RIPOR2: variants seen among roughly 807,000 people sequenced by gnomAD.
RIPOR2 encodes the protein rho family-interacting cell polarization regulator 2.
Under a neutral mutation model 114.5 loss-of-function variants are expected in RIPOR2, and 39 were observed. The ratio of observed to expected loss-of-function variants is 0.34; its 90% CI spans 0.26 to 0.44. The LOEUF is 0.44. Ranked by LOEUF, RIPOR2 falls within the 20% of genes least tolerant of loss-of-function variation. RIPOR2 has a pLI of 1.00. For missense variants in RIPOR2, 1,007 were observed against 1,255.1 expected (o/e 0.80, Z 2.99); for synonymous variants, 445 against 484.4 (o/e 0.92, Z 1.07).
intron 19 of RIPOR2, among the ~76,000 whole-genome samples, chr6:24,824,770 CATA>C (rs1760006083): frequency 6.6e-6 from 1 of 152,086 alleles, no homozygotes; most frequent in South Asian, 2.1e-4. Flanking sequence ...ATATGTTCAC[CATA>C]ATATTTTTAG....
chr6:25,028,697 G>A (rs1776746565), intron 1 of RIPOR2, among the ~76,000 whole-genome samples: 2 of 152,202 alleles, frequency 1.3e-5, no homozygotes, highest in Admixed American at 1.3e-4. Flanking sequence ...GGGGGGCAGG[G>A]ATAGTACAGA....
intron 1 of RIPOR2, among the ~76,000 whole-genome samples, chr6:24,992,302 G>T (rs1774859363): frequency 6.6e-6 from 1 of 152,064 alleles, no homozygotes; most frequent in Non-Finnish European, 1.5e-5. Flanking sequence ...GACATTACAG[G>T]TACTCCTCAC....
chr6:24,879,861 T>A (rs1360818100), intron 1 of RIPOR2, among the ~76,000 whole-genome samples: 4 of 152,194 alleles, frequency 2.6e-5, no homozygotes, highest in Non-Finnish European at 5.9e-5. Context: ...TTCCTAGAAG[T>A]CCCAAAGACC....
rs1213411589 is a variant in RIPOR2, at chr6:24,865,358, G to C, written c.594C>G (p.Ser198Arg). Residue 198 changes from serine to arginine, a missense_variant, in exon 7 of 22, where the codon AGC becomes AGG. Transcript: ENST00000643898. ...CTGTCAGACTCTCCCGGGCAGCTTT[G>C]CTGGCAGGGGATGTTGCGAAGGCTT... ...MKQAFATSPA[S>R]KAARESLTEI... 1 of 1,613,640 alleles carries C rather than the reference G, an allele frequency of 6.2e-7. No homozygotes were observed. Among genetic ancestry groups the C allele is most frequent in the East Asian group, 2.2e-5 (1 of 44,876 alleles).
At chr6:24,902,108 A>T (rs189754810) in intron 1 of RIPOR2, among the ~76,000 whole-genome samples, 178 of 152,328 alleles carry the variant, frequency 1.2e-3, no homozygotes, top group Non-Finnish European at 1.9e-3. Context: ...AAAGACCAGC[A>T]GTCAACTGGC....
intron 1 of RIPOR2, among the ~76,000 whole-genome samples, chr6:24,949,039 C>T (rs893708821): frequency 3.9e-5 from 6 of 152,140 alleles, no homozygotes; most frequent in Non-Finnish European, 8.8e-5. Context: ...TCTGTACATC[C>T]ATGTCACTCT....
chr6:24,840,353 C>T, intron 13 of RIPOR2: 1 of 1,115,352 alleles, frequency 9.0e-7, no homozygotes, highest in African/African-American at 1.7e-5. Context: ...ACAAGTCCCA[C>T]CACTTCCCTG....
chr6:24,828,340 A>ATTCT, intron 17 of RIPOR2, 45 bp from the exon 18 acceptor site: 1 of 570,878 alleles, frequency 1.8e-6, no homozygotes, highest in Non-Finnish European at 2.6e-6. Context: ...ATAGATGACC[A>ATTCT]TTCATTCATT....
intron 1 of RIPOR2, among the ~76,000 whole-genome samples, chr6:24,953,335 C>T (rs200526871): frequency 0.13 from 19,846 of 151,832 alleles, 2,883 homozygotes; most frequent in African/African-American, 0.36. Context: ...CTCTGCCCCC[C>T]CCCAAAAAAA....
intron 1 of RIPOR2, among the ~76,000 whole-genome samples, chr6:24,969,114 A>T (rs1404377672): frequency 6.6e-6 from 1 of 152,114 alleles, no homozygotes; most frequent in East Asian, 1.9e-4. Context: ...CATCAGAATC[A>T]CCTCGAGGTC....
intron 1 of RIPOR2, among the ~76,000 whole-genome samples, chr6:24,983,586 GTC>G (rs1429209425): frequency 6.6e-6 from 1 of 151,834 alleles, no homozygotes; most frequent in Non-Finnish European, 1.5e-5. Context: ...GTGAAACTCT[GTC>G]TCTACTAAAA....
At chr6:24,947,177 C>T (rs1455549827) in intron 1 of RIPOR2, among the ~76,000 whole-genome samples, 1 of 152,046 alleles carries the variant, frequency 6.6e-6, no homozygotes, top group Non-Finnish European at 1.5e-5. Context: ...TTCAGCCTTC[C>T]CTCCCGCAAA....
At chr6:24,966,644 G>A (rs539779952) in intron 1 of RIPOR2, among the ~76,000 whole-genome samples, 1 of 152,262 alleles carries the variant, frequency 6.6e-6, no homozygotes, top group East Asian at 1.9e-4. Flanking sequence ...ATGTTATGTG[G>A]GAGGCTCATC....
intron 1 of RIPOR2, among the ~76,000 whole-genome samples, chr6:25,003,779 T>C (rs1165033769): frequency 6.6e-6 from 1 of 152,214 alleles, no homozygotes. Context: ...AGCCTAACTT[T>C]TTTATATTTT....
At chr6:24,913,817 G>A (rs1769856297) in intron 1 of RIPOR2, among the ~76,000 whole-genome samples, 1 of 152,034 alleles carries the variant, frequency 6.6e-6, no homozygotes. Context: ...AAACTTCACT[G>A]AGCAGAGCAC....
chr6:24,907,798 C>T (rs74405773), intron 1 of RIPOR2, among the ~76,000 whole-genome samples: 3,747 of 152,248 alleles, frequency 0.025, 152 homozygotes, highest in African/African-American at 0.081. Flanking sequence ...AGAAGGGCTC[C>T]TTCCAGATGA....
chr6:24,819,795 C>T (rs1759517403), intron 19 of RIPOR2, among the ~76,000 whole-genome samples: 1 of 150,408 alleles, frequency 6.6e-6, no homozygotes, highest in South Asian at 2.1e-4. Flanking sequence ...GCTACTGCAC[C>T]CGGCCAATTG....
At chr6:24,962,807 G>T (rs920824800) in intron 1 of RIPOR2, among the ~76,000 whole-genome samples, 1 of 152,116 alleles carries the variant, frequency 6.6e-6, no homozygotes, top group Non-Finnish European at 1.5e-5. Context: ...GCATACATCT[G>T]TTCAAATTCT....
chr6:25,020,935 C>G (rs149875243), intron 1 of RIPOR2, among the ~76,000 whole-genome samples: 319 of 152,284 alleles, frequency 2.1e-3, no homozygotes, highest in African/African-American at 6.0e-3. Flanking sequence ...TGGCCCACGG[C>G]AACCTCCGTC....
Sources: gnomAD v4.1 joint callset for allele counts (sites outside exome capture counted in the v4.1 genomes callset) on GRCh38, gnomAD v4.1.1 for gene constraint, MANE v1.5 for transcripts, NCBI Gene and HGNC (gene_info 2026-07-23, HGNC 2026-07-21) for gene names.